The following KCNQ5 variants were observed in gnomAD, a reference collection of about 807,000 sequenced individuals.
KCNQ5 encodes potassium voltage-gated channel subfamily Q member 5.
In KCNQ5, 30 loss-of-function variants were observed where a neutral mutation model predicts 98.2. The ratio of observed to expected loss-of-function variants is 0.31; its 90% CI spans 0.23 to 0.41. The LOEUF (loss-of-function observed/expected upper bound fraction) is 0.41, where lower values mean the gene tolerates loss of function less well. KCNQ5 is among the 10% of genes least tolerant of loss of function. The probability of loss-of-function intolerance (pLI) is 1.00; values close to 1 mark genes in which losing one functional copy is unlikely to be tolerated. For missense variants in KCNQ5, 835 were observed against 1,182.5 expected, an observed-to-expected ratio of 0.71 and a Z score of 4.31; for synonymous variants, 458 against 449.4, an observed-to-expected ratio of 1.02 and a Z score of -0.24.
intron 1 of KCNQ5, among the ~76,000 whole-genome samples, chr6:72,777,224 G>A (rs9360597): frequency 0.6 from 90,576 of 152,036 alleles, 27,008 homozygotes; most frequent in Admixed American, 0.63. Flanking sequence ...CCACTCAGAT[G>A]GCTTAGTGGA....
At chr6:72,682,174 A>G (rs1767740993) in intron 1 of KCNQ5, among the ~76,000 whole-genome samples, 1 of 152,198 alleles carries the variant, frequency 6.6e-6, no homozygotes, top group Non-Finnish European at 1.5e-5. Context: ...TCACATGGTT[A>G]TGTTCTTTGG....
chr6:72,932,563 A>T (rs1765734363), intron 1 of KCNQ5, among the ~76,000 whole-genome samples: 3 of 152,208 alleles, frequency 2.0e-5, no homozygotes, highest in Non-Finnish European at 2.9e-5. Context: ...TTTCATTTTA[A>T]AAACAAACTT....
Position 73,057,832 on chromosome 6 carries a change from A to G in KCNQ5, c.616+15770A>G, listed in dbSNP as rs932383425. Among the ~76,000 whole-genome samples, 4 of 152,380 alleles carry G rather than the reference A, an allele frequency of 2.6e-5. No homozygotes were observed. In the South Asian group the frequency reaches 6.2e-4, roughly 24 times the overall value. ...AAAACAACAAAGCCAGAAGTATCAC[A>G]TTGTGTGACTTCAATCTATATTACA... is the stretch of plus-strand genomic sequence containing the variant. On this transcript the variant is annotated intron_variant, in intron 3 of 13. Coordinates refer to ENST00000370398, the MANE Select transcript of KCNQ5 (RefSeq NM_019842.4).
At chr6:73,066,815 A>G (rs1006683810) in intron 3 of KCNQ5, among the ~76,000 whole-genome samples, 1 of 151,634 alleles carries the variant, frequency 6.6e-6, no homozygotes, top group Non-Finnish European at 1.5e-5. Context: ...TTTCTTTTGA[A>G]AGTTCCTTCT....
chr6:72,680,709 T>G (rs1390164870), intron 1 of KCNQ5, among the ~76,000 whole-genome samples: 1 of 152,206 alleles, frequency 6.6e-6, no homozygotes, highest in African/African-American at 2.4e-5. Flanking sequence ...GTAAATTCAT[T>G]GTCTAGAACT....
intron 1 of KCNQ5, among the ~76,000 whole-genome samples, 170 bp from the exon 2 acceptor site, chr6:73,003,738 T>G (rs1396347680): frequency 6.6e-6 from 1 of 152,190 alleles, no homozygotes; most frequent in African/African-American, 2.4e-5. Context: ...ATTTGCACAG[T>G]ATATCACATT....
At chr6:72,888,916 A>C (rs193246616) in intron 1 of KCNQ5, among the ~76,000 whole-genome samples, 2 of 152,274 alleles carry the variant, frequency 1.3e-5, no homozygotes, top group Non-Finnish European at 2.9e-5. Flanking sequence ...CCCTATCTTC[A>C]TGGAGCCCAC....
intron 1 of KCNQ5, among the ~76,000 whole-genome samples, chr6:72,818,355 A>G (rs180983606): frequency 7.2e-5 from 11 of 152,216 alleles, no homozygotes; most frequent in African/African-American, 2.4e-4. Flanking sequence ...AGTTGTGTGT[A>G]TTGTTAAGAA....
chr6:73,189,687 C>T (rs1765514176), intron 11 of KCNQ5, among the ~76,000 whole-genome samples: 1 of 152,192 alleles, frequency 6.6e-6, no homozygotes, highest in South Asian at 2.1e-4. Context: ...TGTTATGTTT[C>T]TCTGCTTTCA....
chr6:72,886,695 A>T (rs1778856850), intron 1 of KCNQ5, among the ~76,000 whole-genome samples: 1 of 152,180 alleles, frequency 6.6e-6, no homozygotes, highest in Non-Finnish European at 1.5e-5. Flanking sequence ...AGACAACATA[A>T]GAAAGAATGA....
intron 1 of KCNQ5, among the ~76,000 whole-genome samples, chr6:72,890,225 C>T (rs1405162190): frequency 6.6e-6 from 1 of 152,176 alleles, no homozygotes; most frequent in Non-Finnish European, 1.5e-5. Flanking sequence ...AATCAGCATA[C>T]TAAGCATATT....
chr6:72,758,733 C>T (rs965748624), intron 1 of KCNQ5, among the ~76,000 whole-genome samples: 2 of 152,092 alleles, frequency 1.3e-5, no homozygotes, highest in Non-Finnish European at 2.9e-5. Flanking sequence ...TGAATACACT[C>T]ATTTATTTAG....
At chr6:73,036,343 ACCACTGCACT>A (rs1282894154) in intron 2 of KCNQ5, among the ~76,000 whole-genome samples, 1 of 144,024 alleles carries the variant, frequency 6.9e-6, no homozygotes, top group Admixed American at 7.2e-5. Flanking sequence ...CCGAGATCGC[ACCACTGCACT>A]CCATTCTGGG....
chr6:72,827,768 T>C lies in KCNQ5; in HGVS notation c.399-176140T>C, dbSNP rs550383727. On this transcript the variant is annotated intron_variant, in intron 1 of 13. Transcript: ENST00000370398. Reference sequence around the variant, plus strand: ...GTTGTTTATTTTTGCTTTTGTTTCCTGTGCTTTCGAGGTCTTGATCATAAA... The same window carrying C: ...GTTGTTTATTTTTGCTTTTGTTTCCCGTGCTTTCGAGGTCTTGATCATAAA... Among the ~76,000 whole-genome samples, 13 of 152,218 alleles carry C rather than the reference T, an allele frequency of 8.5e-5. No homozygotes were observed. In the East Asian group the frequency reaches 2.5e-3, roughly 29 times the overall value.
chr6:72,634,923 T>C (rs1488729335), intron 1 of KCNQ5, among the ~76,000 whole-genome samples: 14 of 152,190 alleles, frequency 9.2e-5, no homozygotes, highest in Admixed American at 8.5e-4. Flanking sequence ...AGTGGAACTA[T>C]TTGAATGTTT....
chr6:72,714,303 G>A (rs78764796), intron 1 of KCNQ5, among the ~76,000 whole-genome samples: 2,031 of 152,044 alleles, frequency 0.013, 34 homozygotes, highest in African/African-American at 0.042. Flanking sequence ...CTAAAGCATT[G>A]CCCATCATTG....
intron 1 of KCNQ5, among the ~76,000 whole-genome samples, chr6:72,866,327 C>T (rs1777984733): frequency 6.8e-6 from 1 of 146,292 alleles, no homozygotes; most frequent in Admixed American, 6.8e-5. Flanking sequence ...TGATCTCGGC[C>T]CACTGCAGCC....
chr6:72,797,156 C>T (rs745488905), intron 1 of KCNQ5, among the ~76,000 whole-genome samples: 8 of 152,018 alleles, frequency 5.3e-5, no homozygotes, highest in Middle Eastern at 3.2e-3. Flanking sequence ...TCACTATTCC[C>T]GTTAGAACAG....
chr6:72,872,542 T>C (rs1778252570), intron 1 of KCNQ5, among the ~76,000 whole-genome samples: 1 of 152,160 alleles, frequency 6.6e-6, no homozygotes, highest in South Asian at 2.1e-4. Flanking sequence ...ATTATTTCAT[T>C]TAAACCTCTC....
Sources: gnomAD v4.1 joint callset for allele counts (sites outside exome capture counted in the v4.1 genomes callset) on GRCh38, gnomAD v4.1.1 for gene constraint, MANE v1.5 for transcripts, NCBI Gene and HGNC (gene_info 2026-07-23, HGNC 2026-07-21) for gene names.